The following CDH13 variants were observed in gnomAD, a reference collection of about 807,000 sequenced individuals.
The protein encoded by CDH13 is cadherin 13.
A neutral mutation model predicts 63.8 loss-of-function variants in CDH13; 24 were observed. The ratio of observed to expected loss-of-function variants is 0.38; its 90% CI spans 0.27 to 0.53. CDH13 has a LOEUF of 0.53. Ranked by LOEUF, CDH13 falls within the 20% of genes least tolerant of loss-of-function variation. The pLI is 0.85. For missense variants in CDH13, 1,049 were observed against 903.1 expected (o/e 1.16, Z -2.07); for synonymous variants, 503 against 355.3 (o/e 1.42, Z -4.67).
intron 4 of CDH13, among the ~76,000 whole-genome samples, chr16:83,156,193 C>T (rs181190234): frequency 6.6e-6 from 1 of 152,186 alleles, no homozygotes; most frequent in Non-Finnish European, 1.5e-5. Flanking sequence ...TAACCAAACT[C>T]CTTGAGTTGA....
rs78611749 is a variant in CDH13, at chr16:82,802,707, A to G, written c.46-55655A>G. 1.3e-4 allele frequency among the ~76,000 whole-genome samples: 20 copies of G among 152,304 alleles called. No individual in the cohort carries two copies. The East Asian group carries it at 3.1e-3, about 24-fold the overall frequency. ...AGACAGGAACAGTTACTGGATTAATATAACTTTAAAGGTGAGCATACTGGG... is the reference window on the plus strand; with the variant it reads ...AGACAGGAACAGTTACTGGATTAATGTAACTTTAAAGGTGAGCATACTGGG... On this transcript the variant is annotated intron_variant, in intron 1 of 13. Transcript: ENST00000567109.
In CDH13 at chr16:82,705,295, T is replaced by C. The variant is rs1029527065; in HGVS notation, c.45+78158T>C. 3 of 374,946 alleles carry C rather than the reference T, an allele frequency of 8.0e-6. No individual in the cohort carries two copies. The Admixed American group carries it at 1.1e-4, about 14-fold the overall frequency. The allele number at this position is 374,946 out of a possible 1,614,324, so 23.2% of individuals were successfully genotyped here. ...GACAGGTGAGATGTCCAATATATTC[T>C]TACTTAAGATCTGATTTCTTCTCCT... On this transcript the variant is annotated intron_variant, in intron 1 of 13. Transcript: ENST00000567109.
intron 5 of CDH13, among the ~76,000 whole-genome samples, chr16:83,269,423 C>A (rs945173847): frequency 6.6e-6 from 1 of 151,882 alleles, no homozygotes; most frequent in Non-Finnish European, 1.5e-5. Flanking sequence ...CTAAACTATC[C>A]CACATCATCT....
chr16:83,239,465 C>A (rs573521918), intron 5 of CDH13, among the ~76,000 whole-genome samples: 2 of 152,222 alleles, frequency 1.3e-5, no homozygotes, highest in African/African-American at 4.8e-5. Context: ...ACCATGACAC[C>A]AGGAGGGTCT....
chr16:82,940,540 T>C (rs973535264), intron 2 of CDH13, among the ~76,000 whole-genome samples: 2 of 152,236 alleles, frequency 1.3e-5, no homozygotes, highest in Non-Finnish European at 2.9e-5. Context: ...CTTCCAGATT[T>C]GGTTCAGGTA....
intron 6 of CDH13, among the ~76,000 whole-genome samples, chr16:83,392,222 A>G (rs1228413793): frequency 6.6e-6 from 1 of 152,046 alleles, no homozygotes; most frequent in African/African-American, 2.4e-5. Context: ...CAAGCCCACA[A>G]CCCCCAAACC....
chr16:82,690,315 C>G (rs575254113), intron 1 of CDH13, among the ~76,000 whole-genome samples: 1 of 152,014 alleles, frequency 6.6e-6, no homozygotes, highest in African/African-American at 2.4e-5. Context: ...AATGTGTCAA[C>G]CCTAAAGCAT....
chr16:83,028,365 CTT>C (rs1231871191), intron 2 of CDH13, among the ~76,000 whole-genome samples: 6 of 152,196 alleles, frequency 3.9e-5, no homozygotes, highest in Non-Finnish European at 5.9e-5. Context: ...TGAGAGTCCA[CTT>C]GTGTGTCCAT....
At chr16:83,184,910 T>TGTGC (rs1555509489) in intron 4 of CDH13, among the ~76,000 whole-genome samples, 172 of 136,072 alleles carry the variant, frequency 1.3e-3, no homozygotes, top group African/African-American at 5.8e-3. Context: ...TGTGTGTGCG[T>TGTGC]GTGTGTGTGT....
At chr16:83,386,887 A>C (rs2091684830) in intron 6 of CDH13, among the ~76,000 whole-genome samples, 1 of 152,194 alleles carries the variant, frequency 6.6e-6, no homozygotes, top group South Asian at 2.1e-4. Flanking sequence ...AGGAAGAGAT[A>C]AGGGGAAGAA....
At chr16:83,535,445 G>A (rs900132208) in intron 7 of CDH13, among the ~76,000 whole-genome samples, 4 of 152,222 alleles carry the variant, frequency 2.6e-5, no homozygotes, top group African/African-American at 9.6e-5. Flanking sequence ...GGAAGCTGTT[G>A]CAATAGTTCT....
intron 3 of CDH13, among the ~76,000 whole-genome samples, chr16:83,105,359 C>T (rs2034713332): frequency 6.6e-6 from 1 of 152,210 alleles, no homozygotes; most frequent in South Asian, 2.1e-4. Context: ...CTGCATCTCC[C>T]ATGGAACCAC....
At chr16:83,516,177 A>G (rs1250664117) in intron 7 of CDH13, among the ~76,000 whole-genome samples, 1 of 152,238 alleles carries the variant, frequency 6.6e-6, no homozygotes, top group African/African-American at 2.4e-5. Context: ...GGGGGGTTGT[A>G]GAAAGTTTCC....
At chr16:83,281,874 C>G (rs1248501346) in intron 5 of CDH13, among the ~76,000 whole-genome samples, 1 of 152,152 alleles carries the variant, frequency 6.6e-6, no homozygotes, top group Non-Finnish European at 1.5e-5. Flanking sequence ...GATTGCACCA[C>G]TGCATTCTAA....
At chr16:83,309,275 G>T (rs1273514094) in intron 5 of CDH13, among the ~76,000 whole-genome samples, 1 of 152,164 alleles carries the variant, frequency 6.6e-6, no homozygotes, top group East Asian at 1.9e-4. Context: ...TGGGATCTTT[G>T]GGAAAAGATC....
At chr16:83,406,148 G>A (rs562213352) in intron 6 of CDH13, among the ~76,000 whole-genome samples, 1 of 152,322 alleles carries the variant, frequency 6.6e-6, no homozygotes, top group South Asian at 2.1e-4. Flanking sequence ...GTGGATCAAT[G>A]CCCAGGCCCC....
intron 6 of CDH13, among the ~76,000 whole-genome samples, chr16:83,354,460 C>G (rs2091015785): frequency 6.6e-6 from 1 of 152,290 alleles, no homozygotes; most frequent in East Asian, 1.9e-4. Flanking sequence ...GTGACCAAGA[C>G]CATTTAGAAC....
intron 10 of CDH13, among the ~76,000 whole-genome samples, chr16:83,718,582 A>G (rs1253251368): frequency 6.6e-6 from 1 of 152,036 alleles, no homozygotes; most frequent in Admixed American, 6.5e-5. Context: ...TGCACCAAAT[A>G]TGGGTGTTCC....
chr16:83,178,282 C>A (rs12926833), intron 4 of CDH13, among the ~76,000 whole-genome samples: 1 of 151,982 alleles, frequency 6.6e-6, no homozygotes, highest in African/African-American at 2.4e-5. Flanking sequence ...CTACCAGCAG[C>A]CCTCCTCCGC....
Sources: allele counts gnomAD v4.1 joint callset (sites outside exome capture counted in the v4.1 genomes callset), GRCh38; gene constraint gnomAD v4.1.1; transcripts MANE v1.5; gene names NCBI Gene and HGNC (gene_info 2026-07-23, HGNC 2026-07-21).